The following PNO1 variants were observed in gnomAD, a reference collection of about 807,000 sequenced individuals.
The protein encoded by PNO1 is RNA-binding protein PNO1.
PNO1 carries 16 observed loss-of-function variants against 28.4 expected under a neutral mutation model. The observed-to-expected ratio is 0.56, with a 90% CI of 0.38 to 0.85. The LOEUF (loss-of-function observed/expected upper bound fraction) is 0.85. PNO1 is among the 40% of genes least tolerant of loss of function. The pLI is 0.00. For missense variants in PNO1, 304 were observed against 312.2 expected (o/e 0.97, Z 0.20); for synonymous variants, 115 against 110.8 (o/e 1.04, Z -0.24).
intron 2 of PNO1, among the ~76,000 whole-genome samples, chr2:68,160,692 A>G (rs1457308897): frequency 6.6e-6 from 1 of 152,198 alleles, no homozygotes; most frequent in Non-Finnish European, 1.5e-5. Context: ...CATCAGTCTA[A>G]TAAGGGAAAT....
At chr2:68,165,356 T>C (rs2103678414) in intron 5 of PNO1, among the ~76,000 whole-genome samples, 1 of 104,586 alleles carries the variant, frequency 9.6e-6, no homozygotes, top group African/African-American at 4.0e-5. Context: ...AGAGCGAGAC[T>C]CCGTCTCAAA....
At chr2:68,164,989 G>A (rs1165407760) in intron 5 of PNO1, among the ~76,000 whole-genome samples, 1 of 150,276 alleles carries the variant, frequency 6.7e-6, no homozygotes, top group Non-Finnish European at 1.5e-5. Context: ...CCACTTTGGC[G>A]CAATTATAAA....
rs753566339 is a variant in PNO1 at position 68,173,410 on chromosome 2, A to T, written c.684A>T (p.Leu228=). 6.3e-7 allele frequency: 1 copy of T among 1,582,100 alleles called. No homozygotes were observed. Residue 228 remains leucine, a synonymous_variant, in exon 6 of 7, where the codon CTA becomes CTT. Coordinates refer to ENST00000263657, the MANE Select transcript of PNO1 (RefSeq NM_020143.4). Reference sequence around the variant, plus strand: ...TGGCAAGAACTGCCATTTGCAACCTAATCTTGGGTAATAGCAGTTTCTTTC... The same window carrying T: ...TGGCAAGAACTGCCATTTGCAACCTTATCTTGGGTAATAGCAGTTTCTTTC... ...IKMARTAICN[L]ILGNPPSKVY...
At chr2:68,166,880 C>T (rs1363225882) in intron 5 of PNO1, among the ~76,000 whole-genome samples, 1 of 152,184 alleles carries the variant, frequency 6.6e-6, no homozygotes, top group Non-Finnish European at 1.5e-5. Flanking sequence ...ATTCCTCTGG[C>T]ATAGTGTCTG....
intron 5 of PNO1, among the ~76,000 whole-genome samples, chr2:68,163,598 T>A (rs1468917164): frequency 6.6e-6 from 1 of 151,912 alleles, no homozygotes; most frequent in East Asian, 1.9e-4. Flanking sequence ...CTCAAGGGAA[T>A]CTATTAAATC....
intron 5 of PNO1, among the ~76,000 whole-genome samples, chr2:68,171,202 G>T (rs139343550): frequency 2.6e-5 from 4 of 152,104 alleles, no homozygotes; most frequent in Admixed American, 2.0e-4. Flanking sequence ...CTTCATTTTC[G>T]TCGTACTAAT....
chr2:68,164,623 GA>G (rs1344790052), intron 5 of PNO1, among the ~76,000 whole-genome samples: 24 of 152,012 alleles, frequency 1.6e-4, no homozygotes, highest in Non-Finnish European at 3.2e-4. Context: ...GCAACATAGG[GA>G]TCTCCATCTC....
intron 5 of PNO1, among the ~76,000 whole-genome samples, chr2:68,165,208 C>CA (rs1673945589): frequency 6.6e-6 from 1 of 151,228 alleles, no homozygotes; most frequent in Non-Finnish European, 1.5e-5. Context: ...ACTAAAAATA[C>CA]AAAAAATTAG....
intron 5 of PNO1, among the ~76,000 whole-genome samples, chr2:68,165,046 A>T (rs1673938556): frequency 6.6e-6 from 1 of 152,066 alleles, no homozygotes; most frequent in Non-Finnish European, 1.5e-5. Flanking sequence ...GGACTGGCTG[A>T]GTAGCCCTGA....
chr2:68,164,571 G>C (rs1673925742), intron 5 of PNO1, among the ~76,000 whole-genome samples: 1 of 152,146 alleles, frequency 6.6e-6, no homozygotes, highest in Admixed American at 6.5e-5. Context: ...GCCAAGGTGG[G>C]AGGAAGGAAT....
chr2:68,170,900 T>G (rs1674115699), intron 5 of PNO1, among the ~76,000 whole-genome samples: 2 of 152,204 alleles, frequency 1.3e-5, no homozygotes, highest in Non-Finnish European at 2.9e-5. Context: ...GCCTCTTATT[T>G]TTCAGATTCA....
chr2:68,162,292 G>T lies in PNO1; in HGVS notation c.469G>T (p.Asp157Tyr). The T allele has an allele frequency of 6.2e-7, 1 of 1,613,352 alleles. No individual in the cohort carries two copies. The highest frequency in any genetic ancestry group is 8.5e-7 in the Non-Finnish European group (1 of 1,179,412). The change falls in exon 4 of 7, where the codon GAC (aspartate) becomes TAC (tyrosine). Residue 157 changes from aspartate (D) to tyrosine (Y), a missense_variant. By Grantham distance (160) the Asp-to-Tyr change is radical. Coordinates refer to ENST00000263657, the MANE Select transcript of PNO1 (RefSeq NM_020143.4). The part of the protein sequence containing the change: ...EDALALIRLD[D>Y]LFLESFEITD... ...TGCACTTGCCCTCATCAGGTTGGAT[G>T]ACCTCTTCCTAGAGTCTTTTGAAAT...
At chr2:68,161,422 C>A in intron 2 of PNO1, 1 of 468,074 alleles carries the variant, frequency 2.1e-6, no homozygotes, top group East Asian at 4.7e-5. Context: ...GCTGTTAACC[C>A]CAAAATCTGA....
At chr2:68,172,681 A>G (rs565022188) in intron 5 of PNO1, among the ~76,000 whole-genome samples, 1 of 152,246 alleles carries the variant, frequency 6.6e-6, no homozygotes, top group Non-Finnish European at 1.5e-5. Flanking sequence ...ATGGGTATTC[A>G]GTAACCAGCT....
At chr2:68,166,517 C>T (rs1174686327) in intron 5 of PNO1, among the ~76,000 whole-genome samples, 1 of 152,132 alleles carries the variant, frequency 6.6e-6, no homozygotes, top group Non-Finnish European at 1.5e-5. Context: ...AGGGGTTAAT[C>T]TTGCTGTCTC....
In PNO1 at chr2:68,161,650, C is replaced by T. The variant is rs17035055; in HGVS notation, c.358-33C>T. 1,083 of 1,275,730 alleles carry T rather than the reference C, an allele frequency of 8.5e-4. 13 individuals carry two copies. The African/African-American group carries it at 0.013, about 15-fold the overall frequency. The allele number at this position is 1,275,730 out of a possible 1,614,324, so 79.0% of individuals were successfully genotyped here. A position where few individuals can be genotyped will look rare whatever the true frequency, so the allele number is the denominator to read the frequency against. On this transcript the variant is annotated intron_variant, in intron 2 of 6. Transcript: ENST00000263657. The stretch of plus-strand genomic sequence containing the variant: ...AGGACATTTTCTGTTTGATTCTCAA[C>T]GGTATTTTGTACCCTTTTTTGTTTT...
At chr2:68,167,519 G>A (rs908488163) in intron 5 of PNO1, among the ~76,000 whole-genome samples, 12 of 152,150 alleles carry the variant, frequency 7.9e-5, no homozygotes, top group African/African-American at 2.9e-4. Context: ...CGGCAGTCCT[G>A]ATCATAAACC....
intron 5 of PNO1, 125 bp from the exon 6 acceptor site, chr2:68,173,222 G>A: frequency 1.6e-6 from 1 of 640,554 alleles, no homozygotes; most frequent in South Asian, 1.7e-5. Context: ...TCATTATGCT[G>A]TCCAGGCTTG....
chr2:68,164,032 C>G (rs1453682366), intron 5 of PNO1, among the ~76,000 whole-genome samples: 1 of 152,198 alleles, frequency 6.6e-6, no homozygotes, highest in African/African-American at 2.4e-5. Context: ...TTTGTACATT[C>G]TTTACACTTT....
Sources: allele counts gnomAD v4.1 joint callset (sites outside exome capture counted in the v4.1 genomes callset), GRCh38; gene constraint gnomAD v4.1.1; transcripts MANE v1.5; gene names NCBI Gene and HGNC (gene_info 2026-07-23, HGNC 2026-07-21).